FIGNL1: variants seen among roughly 807,000 people sequenced by gnomAD.
FIGNL1 encodes the protein fidgetin-like protein 1.
A neutral mutation model predicts 28.9 loss-of-function variants in FIGNL1; 11 were observed. That is an observed-to-expected ratio of 0.38 (90% CI 0.24 to 0.63). The LOEUF (loss-of-function observed/expected upper bound fraction) is 0.63, where lower values mean the gene tolerates loss of function less well. FIGNL1 is among the 20% of genes least tolerant of loss of function. The pLI, the probability that FIGNL1 is intolerant of heterozygous loss-of-function variation, is 0.57. For synonymous variants in FIGNL1, 295 were observed against 276.5 expected, an observed-to-expected ratio of 1.07 and a Z score of -0.66; for missense variants, 789 against 810.4, an observed-to-expected ratio of 0.97 and a Z score of 0.32.
In FIGNL1 at chr7:50,445,561, A is replaced by G. The variant is rs1215479364; in HGVS notation, c.1727T>C (p.Ile576Thr). 1.2e-6 allele frequency: 2 copies of G among 1,614,140 alleles called. No homozygotes were observed. Among genetic ancestry groups the G allele is most frequent in the Non-Finnish European group, 1.7e-6 (2 of 1,180,016 alleles). The part of the protein sequence containing the change: ...PLPEASARKQ[I>T]VINLMSKEQC... Reference sequence around the variant, plus strand: ...CTCTTTGGACATTAGATTAATTACTATCTGTTTCCTGGCTGAAGCTTCTGG... The same window carrying G: ...CTCTTTGGACATTAGATTAATTACTGTCTGTTTCCTGGCTGAAGCTTCTGG... The change falls in exon 4 of 4, where the codon ATA becomes ACA. Residue 576 changes from isoleucine to threonine, a missense_variant. By Grantham distance (89) the Ile-to-Thr change is moderately conservative. Transcript: ENST00000433017.
intron 1 of FIGNL1, 128 bp downstream of exon 1, chr7:50,450,173 C>G (rs1045329047): frequency 6.5e-6 from 1 of 153,204 alleles, no homozygotes; most frequent in African/African-American, 2.4e-5. Context: ...CACGGCCTCC[C>G]GCGAAGTCAC....
rs139237725 is a variant in FIGNL1 at position 50,446,946 on chromosome 7, A to G, written c.342T>C (p.Ser114=). The part of the protein sequence containing the change: ...LSINNVFKMS[S]VQKMMQAGKK... ...TGCCAGCTTGCATCATCTTCTGTAC[A>G]CTACTCATTTTGAAAACATTATTTA... The change falls in exon 4 of 4, where the codon AGT becomes AGC. Residue 114 remains serine (S), a synonymous_variant. Coordinates refer to ENST00000433017, the MANE Select transcript of FIGNL1 (RefSeq NM_001287492.4). 2.5e-6 allele frequency: 4 copies of G among 1,614,082 alleles called. No individual in the cohort carries two copies. In the African/African-American group the frequency reaches 4.0e-5, roughly 16 times the overall value.
rs1041167557 is a variant in FIGNL1, at chr7:50,447,260, G to A, written c.28C>T (p.His10Tyr). MQTSSSRSVHLSEWQKNYFA... is the reference protein window; with the variant it reads MQTSSSRSVYLSEWQKNYFA... Reference sequence around the variant, plus strand: ...TAATTCTTCTGCCATTCACTCAGGTGCACAGATCTAGAGCTGGAGGTCTGC... The same window carrying A: ...TAATTCTTCTGCCATTCACTCAGGTACACAGATCTAGAGCTGGAGGTCTGC... The change falls in exon 4 of 4, where the codon CAC (histidine) becomes TAC (tyrosine). Residue 10 changes from histidine (H) to tyrosine (Y), a missense_variant. By Grantham distance (83) the His-to-Tyr change is moderately conservative. Transcript: ENST00000433017. 5.6e-6 allele frequency: 9 copies of A among 1,606,212 alleles called. No individual in the cohort carries two copies. The highest frequency in any genetic ancestry group is 2.7e-5 in the African/African-American group (2 of 74,774).
In FIGNL1 at chr7:50,446,412, C is replaced by T. The variant is rs1350020774; in HGVS notation, c.876G>A (p.Leu292=). Residue 292 remains leucine, a synonymous_variant, in exon 4 of 4, where the codon CTG becomes CTA. Coordinates refer to ENST00000433017, the MANE Select transcript of FIGNL1 (RefSeq NM_001287492.4). The part of the protein sequence containing the change: ...EDNGPKEDSS[L]PTFKTAKEQL... Reference sequence around the variant, plus strand: ...GTTCTTTTGCAGTTTTAAATGTAGGCAGGCTGCTATCCTCCTTTGGGCCAT... The same window carrying T: ...GTTCTTTTGCAGTTTTAAATGTAGGTAGGCTGCTATCCTCCTTTGGGCCAT... The T allele has an allele frequency of 1.2e-6, 2 of 1,614,144 alleles. No individual in the cohort carries two copies. Among genetic ancestry groups the T allele is most frequent in the East Asian group, 2.2e-5 (1 of 44,884 alleles).
At position 50,447,237 on chromosome 7, in the gene FIGNL1, A is replaced by G; in HGVS notation, c.51T>C (p.Asn17=). ...ATATGCCAGATGTAATTGCGAAGTA[A>G]TTCTTCTGCCATTCACTCAGGTGCA... The part of the protein sequence containing the change: ...RSVHLSEWQK[N]YFAITSGICT... The change falls in exon 4 of 4, where the codon AAT becomes AAC. Residue 17 remains asparagine (N), a synonymous_variant. Transcript: ENST00000433017. 6.2e-7 allele frequency: 1 copy of G among 1,610,994 alleles called. No individual in the cohort carries two copies. Among genetic ancestry groups the G allele is most frequent in the Non-Finnish European group, 8.5e-7 (1 of 1,177,290 alleles).
Position 50,446,869 on chromosome 7 carries a change from T to C in FIGNL1, c.419A>G (p.His140Arg). The change falls in exon 4 of 4, where the codon CAT (histidine) becomes CGT (arginine). Residue 140 changes from histidine to arginine, a missense_variant. Physicochemically the swap from His to Arg is conservative, Grantham distance 29 (BLOSUM62 0). Coordinates refer to ENST00000433017, the MANE Select transcript of FIGNL1 (RefSeq NM_001287492.4). ...LEPALASVVI[H>R]KEATVFDLPK... ...AAGATCAAAGACAGTGGCCTCCTTATGGATTACCACTGATGCAAGAGCAGG... is the reference window on the plus strand; with the variant it reads ...AAGATCAAAGACAGTGGCCTCCTTACGGATTACCACTGATGCAAGAGCAGG... 1 of 1,614,202 alleles carries C rather than the reference T, an allele frequency of 6.2e-7. No individual in the cohort carries two copies. The highest frequency in any genetic ancestry group is 8.5e-7 in the Non-Finnish European group (1 of 1,180,030).
chr7:50,446,963 C>T lies in FIGNL1; in HGVS notation c.325G>A (p.Val109Ile). The change falls in exon 4 of 4, where the codon GTT becomes ATT. Residue 109 changes from valine (V) to isoleucine (I), a missense_variant. Val to Ile is a conservative substitution (Grantham distance 29). Coordinates refer to ENST00000433017, the MANE Select transcript of FIGNL1 (RefSeq NM_001287492.4). ...KWQSGLSINN[V>I]FKMSSVQKMM... ...TTCTGTACACTACTCATTTTGAAAACATTATTTATTGACAATCCAGACTGC... is the reference window on the plus strand; with the variant it reads ...TTCTGTACACTACTCATTTTGAAAATATTATTTATTGACAATCCAGACTGC... 1.1e-5 allele frequency: 18 copies of T among 1,614,202 alleles called. No homozygotes were observed. Among genetic ancestry groups the T allele is most frequent in the Non-Finnish European group, 1.4e-5 (17 of 1,180,028 alleles).
At position 50,446,676 on chromosome 7, in the gene FIGNL1, T is replaced by C; in HGVS notation, c.612A>G (p.Ser204=). Residue 204 remains serine, a synonymous_variant, in exon 4 of 4, where the codon TCA becomes TCG. Transcript: ENST00000433017. ...TNTARTCPTF[S]APVGESATAK... Reference sequence around the variant, plus strand: ...CAGTAGCTGACTCACCTACAGGTGCTGAGAATGTAGGACAAGTCCTAGCAG... The same window carrying C: ...CAGTAGCTGACTCACCTACAGGTGCCGAGAATGTAGGACAAGTCCTAGCAG... 1 of 1,614,220 alleles carries C rather than the reference T, an allele frequency of 6.2e-7. No homozygotes were observed. The highest frequency in any genetic ancestry group is 8.5e-7 in the Non-Finnish European group (1 of 1,180,032).
chr7:50,446,183 C>T lies in FIGNL1; in HGVS notation c.1105G>A (p.Ala369Thr), dbSNP rs1189601849. The change falls in exon 4 of 4, where the codon GCA becomes ACA. Residue 369 changes from alanine (A) to threonine (T), a missense_variant. Transcript: ENST00000433017. ...KPYGAGPTEP[A>T]HPVDERLKNL... is the part of the protein sequence containing the mutation. Reference sequence around the variant, plus strand: ...TTCAGACGCTCATCAACTGGATGTGCTGGTTCTGTAGGTCCTGCCCCATAA... The same window carrying T: ...TTCAGACGCTCATCAACTGGATGTGTTGGTTCTGTAGGTCCTGCCCCATAA... 1 of 1,614,188 alleles carries T rather than the reference C, an allele frequency of 6.2e-7. No homozygotes were observed. Among genetic ancestry groups the T allele is most frequent in the Non-Finnish European group, 8.5e-7 (1 of 1,180,022 alleles).
rs1384211412 is a variant in FIGNL1, at chr7:50,446,718, T to A, written c.570A>T (p.Pro190=). Residue 190 remains proline, a synonymous_variant, in exon 4 of 4, where the codon CCA becomes CCT. Transcript: ENST00000433017. ...TCCTAGCAGTGTTAGTCACCATAGG[T>A]GGCTGGGCATTCTGAAGGAGTTTCA... The part of the protein sequence containing the change: ...NRLKLLQNAQ[P]PMVTNTARTC... The A allele has an allele frequency of 3.7e-6, 6 of 1,614,218 alleles. No homozygotes were observed. The East Asian group carries it at 1.3e-4, about 36-fold the overall frequency.
Position 50,445,926 on chromosome 7 carries a change from A to G in FIGNL1, c.1362T>C (p.Ile454=). Residue 454 remains isoleucine, a synonymous_variant, in exon 4 of 4, where the codon ATT becomes ATC. Coordinates refer to ENST00000433017, the MANE Select transcript of FIGNL1 (RefSeq NM_001287492.4). ...AGAATGTTGCCCCAGACTGACTAGC[A>G]ATGCACTTGCCAATTAGAGTTTTAC... is the stretch of plus-strand genomic sequence containing the variant. ...GTGKTLIGKC[I]ASQSGATFFS... is the part of the protein sequence containing the mutation. 6.2e-7 allele frequency: 1 copy of G among 1,614,152 alleles called. No individual in the cohort carries two copies. Among genetic ancestry groups the G allele is most frequent in the Non-Finnish European group, 8.5e-7 (1 of 1,180,036 alleles).
rs780840931 is a variant in FIGNL1, at chr7:50,445,881, G to A, written c.1407C>T (p.Ser469=). The change falls in exon 4 of 4, where the codon TCC becomes TCT. Residue 469 remains serine, a synonymous_variant. Transcript: ENST00000433017. ...CCTCACCTACCCATTTAGAAGTTAA[G>A]GATGAAGCAGAGATGCTAAAGAATG... The part of the protein sequence containing the change: ...GATFFSISAS[S]LTSKWVGEGE... 6.2e-6 allele frequency: 10 copies of A among 1,613,988 alleles called. No homozygotes were observed. The highest frequency in any genetic ancestry group is 1.6e-4 in the Middle Eastern group (1 of 6,084).
At position 50,445,504 on chromosome 7, in the gene FIGNL1, T is replaced by C. The variant is rs760733056; in HGVS notation, c.1784A>G (p.Gln595Arg). The part of the protein sequence containing the change: ...QCCLSEEEIE[Q>R]IVQQSDAFSG... ...AAACGCATCAGACTGCTGTACAATC[T>C]GTTCAATTTCTTCTTCACTGAGGCA... Residue 595 changes from glutamine (Q) to arginine (R), a missense_variant, in exon 4 of 4, where the codon CAG becomes CGG. Coordinates refer to ENST00000433017, the MANE Select transcript of FIGNL1 (RefSeq NM_001287492.4). 7 of 1,614,216 alleles carry C rather than the reference T, an allele frequency of 4.3e-6. No homozygotes were observed. Among genetic ancestry groups the C allele is most frequent in the Non-Finnish European group, 5.9e-6 (7 of 1,180,020 alleles).
chr7:50,444,996 C>T lies in FIGNL1; in HGVS notation c.*267G>A, dbSNP rs950250105. 4.3e-6 allele frequency: 1 copy of T among 235,272 alleles called. No homozygotes were observed. The highest frequency in any genetic ancestry group is 2.2e-5 in the African/African-American group (1 of 44,684). 14.6% of individuals were successfully genotyped at this position (235,272 alleles called of 1,614,324 possible). A position where few individuals can be genotyped will look rare whatever the true frequency, so the allele number is the denominator to read the frequency against. On this transcript the variant is annotated 3_prime_UTR_variant, in exon 4 of 4. Transcript: ENST00000433017. ...CTAAAAAAAATTTGAGCTCACTTTT[C>T]ATGTTATATAGCTTCAAGATAAAGA...
Position 50,445,317 on chromosome 7 carries a change from T to G in FIGNL1, c.1971A>C (p.Pro657=), listed in dbSNP as rs756250944. 15 of 1,595,152 alleles carry G rather than the reference T, an allele frequency of 9.4e-6. No homozygotes were observed. In the East Asian group the frequency reaches 3.3e-4, roughly 36 times the overall value. The change falls in exon 4 of 4, where the codon CCA becomes CCC. Residue 657 remains proline, a synonymous_variant. Transcript: ENST00000433017. The part of the protein sequence containing the change: ...AFRTVRPSVS[P]KDLELYENWN... Reference sequence around the variant, plus strand: ...AGTTTTCATAAAGCTCTAAATCTTTTGGAGAAACACTAGGTCGCACAGTTC... The same window carrying G: ...AGTTTTCATAAAGCTCTAAATCTTTGGGAGAAACACTAGGTCGCACAGTTC...
In FIGNL1 at chr7:50,446,754, C is replaced by T. The variant is rs751681753; in HGVS notation, c.534G>A (p.Glu178=). The change falls in exon 4 of 4, where the codon GAG becomes GAA. Residue 178 remains glutamate, a synonymous_variant. Transcript: ENST00000433017. ...HDRDRTQDFP[E]SNRLKLLQNA... ...TCTGAAGGAGTTTCAAACGATTGCT[C>T]TCCGGGAAGTCTTGGGTCCGGTCTC... The T allele has an allele frequency of 6.2e-7, 1 of 1,614,182 alleles. No individual in the cohort carries two copies. Among genetic ancestry groups the T allele is most frequent in the African/African-American group, 1.3e-5 (1 of 75,044 alleles).
Position 50,445,461 on chromosome 7 carries a change from T to C in FIGNL1, c.1827A>G (p.Thr609=), listed in dbSNP as rs769035403. The C allele has an allele frequency of 1.9e-6, 3 of 1,613,988 alleles. No individual in the cohort carries two copies. Among genetic ancestry groups the C allele is most frequent in the Non-Finnish European group, 2.5e-6 (3 of 1,180,008 alleles). Reference sequence around the variant, plus strand: ...CAAGAGAAGCCTCCCTGCAAAGCTGTGTCATGTCTGCTCCTGAAAACGCAT... The same window carrying C: ...CAAGAGAAGCCTCCCTGCAAAGCTGCGTCATGTCTGCTCCTGAAAACGCAT... ...QSDAFSGADM[T]QLCREASLGP... Residue 609 remains threonine, a synonymous_variant, in exon 4 of 4, where the codon ACA becomes ACG. Coordinates refer to ENST00000433017, the MANE Select transcript of FIGNL1 (RefSeq NM_001287492.4).
intron 3 of FIGNL1, among the ~76,000 whole-genome samples, chr7:50,447,580 T>C (rs1048551623): frequency 2.6e-5 from 4 of 152,130 alleles, no homozygotes; most frequent in African/African-American, 9.7e-5. Context: ...AGGGAAAGCA[T>C]TCATAAGGTT....
Position 50,446,455 on chromosome 7 carries a change from C to A in FIGNL1, c.833G>T (p.Cys278Phe). Reference protein sequence around the residue: ...ALSNPILNKACSKTEDNGPKE... With the variant: ...ALSNPILNKAFSKTEDNGPKE... The stretch of plus-strand genomic sequence containing the variant: ...TGGGCCATTATCTTCTGTTTTACTA[C>A]AAGCCTTATTCAGTATTGGATTGGA... The change falls in exon 4 of 4, where the codon TGT becomes TTT. Residue 278 changes from cysteine (C) to phenylalanine (F), a missense_variant. Cys to Phe is a radical substitution (Grantham distance 205). Coordinates refer to ENST00000433017, the MANE Select transcript of FIGNL1 (RefSeq NM_001287492.4). 1 of 1,614,208 alleles carries A rather than the reference C, an allele frequency of 6.2e-7. No homozygotes were observed. Among genetic ancestry groups the A allele is most frequent in the Non-Finnish European group, 8.5e-7 (1 of 1,180,038 alleles).
Sources: gnomAD v4.1 joint callset for allele counts (sites outside exome capture counted in the v4.1 genomes callset) on GRCh38, gnomAD v4.1.1 for gene constraint, MANE v1.5 for transcripts, NCBI Gene and HGNC (gene_info 2026-07-23, HGNC 2026-07-21) for gene names.